SNX27: variants seen among roughly 807,000 people sequenced by gnomAD.
The protein encoded by SNX27 is sorting nexin-27.
Under a neutral mutation model 71.6 loss-of-function variants are expected in SNX27, and 22 were observed. The observed-to-expected ratio is 0.31, with a 90% confidence interval of 0.22 to 0.44. SNX27 has a LOEUF of 0.44. Among genes scored for constraint, SNX27 ranks in the 20% least tolerant of loss-of-function variants. The pLI is 1.00. For missense variants in SNX27, 531 were observed against 698.6 expected (o/e 0.76, Z 2.70); for synonymous variants, 269 against 277.2 (o/e 0.97, Z 0.29).
intron 1 of SNX27, among the ~76,000 whole-genome samples, chr1:151,632,984 G>A (rs1035788345): frequency 4.0e-5 from 6 of 151,796 alleles, no homozygotes; most frequent in Non-Finnish European, 7.4e-5. Context: ...CCATTCTCCT[G>A]CCTCAGCCTC....
intron 6 of SNX27, among the ~76,000 whole-genome samples, 174 bp from the exon 7 acceptor site, chr1:151,668,298 T>C (rs1428109629): frequency 6.6e-6 from 1 of 152,188 alleles, no homozygotes; most frequent in Non-Finnish European, 1.5e-5. Context: ...GAAAGGATAT[T>C]TGGCTGGACA....
At chr1:151,643,743 G>A (rs1668896198) in intron 2 of SNX27, among the ~76,000 whole-genome samples, 1 of 151,276 alleles carries the variant, frequency 6.6e-6, no homozygotes, top group East Asian at 2.0e-4. Flanking sequence ...TCACCGCAAC[G>A]TCTGCCTCCT....
intron 7 of SNX27, chr1:151,669,246 C>T (rs763727376): frequency 3.3e-5 from 5 of 152,144 alleles, no homozygotes; most frequent in Non-Finnish European, 7.3e-5. Flanking sequence ...TCTCCCATCC[C>T]CTTAATATAG....
intron 7 of SNX27, among the ~76,000 whole-genome samples, chr1:151,681,754 A>G (rs533530626): frequency 6.6e-6 from 1 of 152,192 alleles, no homozygotes; most frequent in Non-Finnish European, 1.5e-5. Context: ...CCTGTTGTTT[A>G]TTTCCTTAAG....
At chr1:151,630,991 C>T (rs1388970590) in intron 1 of SNX27, among the ~76,000 whole-genome samples, 1 of 152,162 alleles carries the variant, frequency 6.6e-6, no homozygotes, top group East Asian at 1.9e-4. Context: ...GAGATTGTGC[C>T]ACTGCACTCT....
At chr1:151,626,078 G>C (rs1027650508) in intron 1 of SNX27, among the ~76,000 whole-genome samples, 1 of 152,000 alleles carries the variant, frequency 6.6e-6, no homozygotes, top group Non-Finnish European at 1.5e-5. Context: ...GCAGTGAGCC[G>C]AGATGGCGCC....
At chr1:151,613,561 CCTTT>C (rs1437426596) in intron 1 of SNX27, among the ~76,000 whole-genome samples, 3 of 151,964 alleles carry the variant, frequency 2.0e-5, no homozygotes, top group Non-Finnish European at 2.9e-5. Context: ...GGCTGCTTTT[CCTTT>C]CTTCTGTTTT....
At chr1:151,633,254 C>T (rs1043325041) in intron 1 of SNX27, among the ~76,000 whole-genome samples, 2 of 152,106 alleles carry the variant, frequency 1.3e-5, no homozygotes, top group African/African-American at 4.8e-5. Flanking sequence ...CAAAAGTATA[C>T]ATCCATTTAA....
intron 3 of SNX27, among the ~76,000 whole-genome samples, chr1:151,659,402 A>G (rs1669855023): frequency 1.3e-5 from 2 of 152,046 alleles, no homozygotes; most frequent in Admixed American, 1.3e-4. Context: ...AACGCACCAC[A>G]TGCCCGGCTG....
intron 8 of SNX27, among the ~76,000 whole-genome samples, chr1:151,689,768 G>C (rs745505264): frequency 2.0e-4 from 30 of 152,152 alleles, no homozygotes; most frequent in Non-Finnish European, 3.5e-4. Context: ...GACTATGTTA[G>C]GAAGATGGCT....
intron 8 of SNX27, among the ~76,000 whole-genome samples, chr1:151,687,119 C>G (rs536995583): frequency 6.6e-6 from 1 of 152,188 alleles, no homozygotes; most frequent in African/African-American, 2.4e-5. Context: ...TTTCTCTTCT[C>G]TTCCTTCCTC....
At chr1:151,640,619 C>T (rs1340706361) in intron 2 of SNX27, among the ~76,000 whole-genome samples, 1 of 152,070 alleles carries the variant, frequency 6.6e-6, no homozygotes, top group Non-Finnish European at 1.5e-5. Context: ...AGGTAATCCA[C>T]CTGCCTCAGC....
intron 2 of SNX27, among the ~76,000 whole-genome samples, chr1:151,652,063 A>C (rs971429095): frequency 3.9e-5 from 6 of 152,068 alleles, no homozygotes; most frequent in South Asian, 4.2e-4. Context: ...TGGCGGCGCG[A>C]GCCTGCAATC....
intron 1 of SNX27, among the ~76,000 whole-genome samples, chr1:151,619,423 C>G (rs1477433627): frequency 1.3e-5 from 2 of 152,140 alleles, no homozygotes; most frequent in East Asian, 3.9e-4. Flanking sequence ...CCTTAGCCTT[C>G]CAGAAAGCTG....
chr1:151,664,674 C>T (rs4845778), intron 5 of SNX27, among the ~76,000 whole-genome samples: 140,821 of 152,196 alleles, frequency 0.93, 65,817 homozygotes, highest in Non-Finnish European at 0.99. Context: ...CATTAAAAAA[C>T]CTATCCCCCA....
At chr1:151,682,765 T>G (rs1404385997) in intron 7 of SNX27, among the ~76,000 whole-genome samples, 1 of 152,170 alleles carries the variant, frequency 6.6e-6, no homozygotes, top group Non-Finnish European at 1.5e-5. Flanking sequence ...CCAGGTGCGG[T>G]GTCTCATGCC....
At chr1:151,630,019 G>A (rs1297795504) in intron 1 of SNX27, among the ~76,000 whole-genome samples, 1 of 151,490 alleles carries the variant, frequency 6.6e-6, no homozygotes, top group Admixed American at 6.6e-5. Flanking sequence ...GCTGAGGCAG[G>A]AGAATCGCTT....
intron 1 of SNX27, among the ~76,000 whole-genome samples, chr1:151,628,303 G>A (rs924602999): frequency 9.2e-5 from 14 of 152,102 alleles, no homozygotes; most frequent in Non-Finnish European, 1.3e-4. Flanking sequence ...CACTGCGTCC[G>A]ACCTTTTCTT....
chr1:151,662,698 T>C (rs1212601080), intron 5 of SNX27: 1 of 154,450 alleles, frequency 6.5e-6, no homozygotes, highest in East Asian at 1.9e-4. Flanking sequence ...TTGGCCAGAA[T>C]GGTCTTGATC....
Sources: allele counts gnomAD v4.1 joint callset (sites outside exome capture counted in the v4.1 genomes callset), GRCh38; gene constraint gnomAD v4.1.1; transcripts MANE v1.5; gene names NCBI Gene and HGNC (gene_info 2026-07-23, HGNC 2026-07-21).